ATG14: variants seen among roughly 807,000 people sequenced by gnomAD.
The protein encoded by ATG14 is autophagy related 14.
ATG14 carries 35 observed loss-of-function variants against 60.4 expected under a neutral mutation model. The ratio of observed to expected loss-of-function variants is 0.58; its 90% CI spans 0.44 to 0.77. The LOEUF is 0.77. Ranked by LOEUF, ATG14 falls within the 30% of genes least tolerant of loss-of-function variation. The pLI, the probability that ATG14 is intolerant of heterozygous loss-of-function variation, is 0.00. For synonymous variants in ATG14, 234 were observed against 228.8 expected (o/e 1.02, Z -0.21); for missense variants, 647 against 626.3 (o/e 1.03, Z -0.35).
intron 7 of ATG14, among the ~76,000 whole-genome samples, chr14:55,378,644 C>T (rs1472019094): frequency 6.6e-6 from 1 of 151,982 alleles, no homozygotes; most frequent in Non-Finnish European, 1.5e-5. Context: ...CCCCTATGAT[C>T]ACACACCTGC....
At chr14:55,391,046 G>T in intron 3 of ATG14, 54 bp from the exon 4 acceptor site, 2 of 1,209,576 alleles carry the variant, frequency 1.7e-6, no homozygotes, top group Non-Finnish European at 2.4e-6. Context: ...TGGTTAATAT[G>T]ATTATCTACC....
At chr14:55,411,343 T>C (rs1317816977) in intron 1 of ATG14, among the ~76,000 whole-genome samples, 1 of 152,362 alleles carries the variant, frequency 6.6e-6, no homozygotes, top group East Asian at 1.9e-4. Context: ...TATTCCTTTT[T>C]TCCCCAGTGA....
chr14:55,388,275 C>G (rs549959573), intron 4 of ATG14, among the ~76,000 whole-genome samples: 1 of 152,310 alleles, frequency 6.6e-6, no homozygotes, highest in South Asian at 2.1e-4. Flanking sequence ...ATTAATCTAT[C>G]CAGCCATGAT....
Position 55,390,989 on chromosome 14 carries a change from A to T in ATG14, c.331T>A (p.Trp111Arg). The change falls in exon 4 of 10, where the codon TGG (tryptophan) becomes AGG (arginine). Residue 111 changes from tryptophan to arginine, a missense_variant. Physicochemically the swap from Trp to Arg is moderately radical, Grantham distance 101. Coordinates refer to ENST00000247178, the MANE Select transcript of ATG14 (RefSeq NM_014924.5). ...EGKWITDQLR[W>R]KIMSCKMRIE... ...CTCATCTTGCAGGACATTATTTTCC[A>T]TCTCTGAAAAAAGCATGTAATAAAT... is the stretch of plus-strand genomic sequence containing the variant. The T allele has an allele frequency of 6.2e-7, 1 of 1,602,818 alleles. No individual in the cohort carries two copies. The highest frequency in any genetic ancestry group is 8.5e-7 in the Non-Finnish European group (1 of 1,173,172).
At chr14:55,399,512 T>A (rs1454642649) in intron 1 of ATG14, among the ~76,000 whole-genome samples, 1 of 152,216 alleles carries the variant, frequency 6.6e-6, no homozygotes, top group Non-Finnish European at 1.5e-5. Flanking sequence ...ATCAGGCATT[T>A]ACTATGTACC....
At chr14:55,376,445 T>G (rs575570503) in intron 9 of ATG14, among the ~76,000 whole-genome samples, 1 of 152,100 alleles carries the variant, frequency 6.6e-6, no homozygotes, top group South Asian at 2.1e-4. Context: ...GGATCAGGGG[T>G]GAGAGGCATG....
intron 3 of ATG14, among the ~76,000 whole-genome samples, chr14:55,393,284 C>G (rs1445226173): frequency 2.0e-5 from 3 of 151,908 alleles, no homozygotes; most frequent in Non-Finnish European, 4.4e-5. Context: ...ACTCGGGAGG[C>G]TGAGGCAGGA....
At chr14:55,371,165 C>T (rs1392412300) in intron 9 of ATG14, among the ~76,000 whole-genome samples, 1 of 152,168 alleles carries the variant, frequency 6.6e-6, no homozygotes, top group African/African-American at 2.4e-5. Flanking sequence ...TCACTGATAA[C>T]GACTTTGGGG....
chr14:55,370,669 TC>T (rs1566576211), intron 9 of ATG14, among the ~76,000 whole-genome samples: 1 of 151,124 alleles, frequency 6.6e-6, no homozygotes, highest in Non-Finnish European at 1.5e-5. Flanking sequence ...TTAGACAGAG[TC>T]TCGTTCTGTT....
intron 5 of ATG14, among the ~76,000 whole-genome samples, chr14:55,382,489 T>TA (rs1172935487): frequency 2.0e-5 from 3 of 152,040 alleles, no homozygotes; most frequent in African/African-American, 4.8e-5. Context: ...CTGGTTAACT[T>TA]AAAAAATTTT....
At position 55,369,706 on chromosome 14, in the gene ATG14, G is replaced by A; in HGVS notation, c.1392C>T (p.Pro464=). The change falls in exon 10 of 10, where the codon CCC becomes CCT. Residue 464 remains proline, a synonymous_variant. Coordinates refer to ENST00000247178, the MANE Select transcript of ATG14 (RefSeq NM_014924.5). The stretch of plus-strand genomic sequence containing the variant: ...TCCCACCTGCACTGCTGCTCGCGAT[G>A]GGTGGGGACGCCTGGGTGCTCTGAC... The part of the protein sequence containing the change: ...SQSQSTQASP[P]IASSSAGGMI... 1 of 1,609,574 alleles carries A rather than the reference G, an allele frequency of 6.2e-7. No homozygotes were observed. Among genetic ancestry groups the A allele is most frequent in the African/African-American group, 1.3e-5 (1 of 74,958 alleles).
intron 3 of ATG14, among the ~76,000 whole-genome samples, chr14:55,391,860 T>G (rs1481439168): frequency 1.3e-5 from 2 of 152,202 alleles, no homozygotes; most frequent in East Asian, 3.8e-4. Context: ...ACTTGCAAGT[T>G]AATAAAAATG....
chr14:55,378,609 CCCTT>C (rs1884966645), intron 7 of ATG14, among the ~76,000 whole-genome samples: 1 of 152,130 alleles, frequency 6.6e-6, no homozygotes, highest in Non-Finnish European at 1.5e-5. Context: ...CTGCCTCCCT[CCCTT>C]CCTCCCTCCC....
chr14:55,370,082 T>G (rs1305367607), intron 9 of ATG14, among the ~76,000 whole-genome samples, 157 bp from the exon 10 acceptor site: 1 of 152,228 alleles, frequency 6.6e-6, no homozygotes, highest in Non-Finnish European at 1.5e-5. Context: ...GACATATGAT[T>G]GCGTTTTCCT....
intron 1 of ATG14, among the ~76,000 whole-genome samples, chr14:55,409,662 GTA>G (rs1282738379): frequency 2.0e-5 from 3 of 152,146 alleles, no homozygotes; most frequent in African/African-American, 7.2e-5. Context: ...AGTGTTCTTG[GTA>G]TGTTTGAGGA....
At chr14:55,374,037 CAA>C (rs1053350402) in intron 9 of ATG14, among the ~76,000 whole-genome samples, 10 of 152,172 alleles carry the variant, frequency 6.6e-5, no homozygotes, top group Non-Finnish European at 8.8e-5. Flanking sequence ...AAACCTGACT[CAA>C]GAGTAAGCCT....
At chr14:55,378,881 T>A (rs2140127193) in intron 7 of ATG14, among the ~76,000 whole-genome samples, 1 of 152,160 alleles carries the variant, frequency 6.6e-6, no homozygotes, top group Admixed American at 6.5e-5. Flanking sequence ...AATTTTTTTT[T>A]ATTTTTAGTA....
chr14:55,385,821 T>G, intron 5 of ATG14, 38 bp downstream of exon 5: 2 of 1,503,076 alleles, frequency 1.3e-6, no homozygotes, highest in Non-Finnish European at 1.8e-6. Flanking sequence ...ATTTGGAACT[T>G]GATCTATTCC....
chr14:55,385,191 T>A (rs1292906812), intron 5 of ATG14, among the ~76,000 whole-genome samples: 1 of 152,216 alleles, frequency 6.6e-6, no homozygotes, highest in Non-Finnish European at 1.5e-5. Flanking sequence ...TAAATCCCCA[T>A]TTATCAGACA....
Sources: allele counts gnomAD v4.1 joint callset (sites outside exome capture counted in the v4.1 genomes callset), GRCh38; gene constraint gnomAD v4.1.1; transcripts MANE v1.5; gene names NCBI Gene and HGNC (gene_info 2026-07-23, HGNC 2026-07-21).